Variants in GAK observed in about 807,000 individuals in gnomAD.
GAK encodes cyclin G associated kinase, also known as cyclin-G-associated kinase.
Under a neutral mutation model 143.9 loss-of-function variants are expected in GAK, and 79 were observed. That is an observed-to-expected ratio of 0.55 (90% CI 0.46 to 0.66). The LOEUF is 0.66. GAK is among the 30% of genes least tolerant of loss of function. The pLI is 0.00. For synonymous variants in GAK, 881 were observed against 765.5 expected (o/e 1.15, Z -2.49); for missense variants, 1,693 against 1,779.7 (o/e 0.95, Z 0.88).
chr4:900,501 C>G (rs1719667587), intron 5 of GAK, among the ~76,000 whole-genome samples: 1 of 152,132 alleles, frequency 6.6e-6, no homozygotes, highest in South Asian at 2.1e-4. Context: ...CCTTAAAATA[C>G]ACACTCAAGC....
intron 24 of GAK, among the ~76,000 whole-genome samples, chr4:856,161 C>G (rs1420161872): frequency 6.6e-6 from 1 of 151,658 alleles, no homozygotes; most frequent in African/African-American, 2.4e-5. Context: ...ACCACACCTG[C>G]TCACCACCAC....
chr4:852,218 C>A (rs1038008377), intron 24 of GAK: 23 of 582,638 alleles, frequency 3.9e-5, no homozygotes, highest in African/African-American at 3.6e-4. Flanking sequence ...CAGGACAGGG[C>A]AGCTGTGGAG....
intron 10 of GAK, 140 bp from the exon 11 acceptor site, chr4:889,110 C>T: frequency 9.0e-7 from 1 of 1,112,772 alleles, no homozygotes; most frequent in East Asian, 2.6e-5. Flanking sequence ...GTGCAGGTTG[C>T]TGGCTGGGCC....
chr4:918,095 C>A (rs946439688), intron 1 of GAK, among the ~76,000 whole-genome samples: 1 of 152,166 alleles, frequency 6.6e-6, no homozygotes, highest in African/African-American at 2.4e-5. Flanking sequence ...CAAGAAAATA[C>A]TGGCAAATTG....
rs1410260199 is a variant in GAK at position 849,449 on chromosome 4, T to C, written c.*224A>G. 10 of 565,544 alleles carry C rather than the reference T, an allele frequency of 1.8e-5. No homozygotes were observed. Among genetic ancestry groups the C allele is most frequent in the Non-Finnish European group, 3.2e-5 (10 of 314,280 alleles). The allele number at this position is 565,544 out of a possible 1,614,324, so 35.0% of individuals were successfully genotyped here. A position where few individuals can be genotyped will look rare whatever the true frequency, so the allele number is the denominator to read the frequency against. ...AGACGTGACAATTGCGGGAGGAGCA[T>C]GAATCAGCTGTTCCTTCGGGAGGAG... On this transcript the variant is annotated 3_prime_UTR_variant, in exon 28 of 28. Transcript: ENST00000314167.
chr4:862,952 G>A (rs1482619384), intron 23 of GAK, among the ~76,000 whole-genome samples: 2 of 152,192 alleles, frequency 1.3e-5, no homozygotes, highest in East Asian at 1.9e-4. Flanking sequence ...GAGTCGTGTC[G>A]ACTTCCAAGT....
intron 7 of GAK, among the ~76,000 whole-genome samples, chr4:896,205 G>A (rs1188040732): frequency 5.9e-5 from 9 of 152,186 alleles, no homozygotes; most frequent in African/African-American, 1.4e-4. Context: ...GGGAGGCTGC[G>A]GTGAGCCTGA....
intron 27 of GAK, 58 bp from the exon 28 acceptor site, chr4:849,832 G>A: frequency 8.0e-7 from 1 of 1,256,602 alleles, no homozygotes; most frequent in Non-Finnish European, 1.1e-6. Context: ...GGGCGGGGCA[G>A]GACCCCCCCC....
At position 882,793 on chromosome 4, in the gene GAK, C is replaced by T. The variant is rs1422832956; in HGVS notation, c.1431G>A (p.Arg477=). The change falls in exon 14 of 28, where the codon CGG becomes CGA. Residue 477 remains arginine (R), a synonymous_variant. Coordinates refer to ENST00000314167, the MANE Select transcript of GAK (RefSeq NM_005255.4). ...ACAGGGTGTGCAGGTGTGGGGCCCGCCGTGCTGCCCAGCCACACTCGGAGA... is the reference window on the plus strand; with the variant it reads ...ACAGGGTGTGCAGGTGTGGGGCCCGTCGTGCTGCCCAGCCACACTCGGAGA... ...NRVSECGWAA[R]RAPHLHTLYN... is the part of the protein sequence containing the mutation. 6.2e-7 allele frequency: 1 copy of T among 1,610,350 alleles called. No homozygotes were observed. The highest frequency in any genetic ancestry group is 1.7e-5 in the Admixed American group (1 of 60,028).
rs56020914 is a variant in GAK, at chr4:911,857, T to C, written c.268-70A>G. On this transcript the variant is annotated intron_variant, in intron 3 of 27. Coordinates refer to ENST00000314167, the MANE Select transcript of GAK (RefSeq NM_005255.4). ...AGTTCTGTGCACTTCAAAATAAATGTAGACAATATTAACACACTGAAGTCA... is the reference window on the plus strand; with the variant it reads ...AGTTCTGTGCACTTCAAAATAAATGCAGACAATATTAACACACTGAAGTCA... The C allele has an allele frequency of 2.3e-3, 2,602 of 1,153,782 alleles. 9 individuals are homozygous for C. Among genetic ancestry groups the C allele is most frequent in the Non-Finnish European group, 3.0e-3 (2,292 of 767,092 alleles). The allele number at this position is 1,153,782 out of a possible 1,614,324, so 71.5% of individuals were successfully genotyped here. A position where few individuals can be genotyped will look rare whatever the true frequency, so the allele number is the denominator to read the frequency against.
At chr4:895,633 C>T (rs1025304985) in intron 7 of GAK, among the ~76,000 whole-genome samples, 6 of 152,242 alleles carry the variant, frequency 3.9e-5, no homozygotes, top group African/African-American at 1.2e-4. Flanking sequence ...GGCCAACTGC[C>T]GCACCTGGTG....
chr4:897,435 G>A (rs1223719511), intron 6 of GAK, among the ~76,000 whole-genome samples: 1 of 152,200 alleles, frequency 6.6e-6, no homozygotes, highest in Non-Finnish European at 1.5e-5. Flanking sequence ...GAAGGCCCAA[G>A]TGCAGAGAGC....
intron 13 of GAK, 73 bp downstream of exon 13, chr4:883,242 C>A: frequency 6.5e-7 from 1 of 1,550,214 alleles, no homozygotes; most frequent in Non-Finnish European, 8.7e-7. Context: ...GGCCAAAGCC[C>A]TCAGCTATGC....
At chr4:891,913 G>T (rs1397310675) in intron 9 of GAK, among the ~76,000 whole-genome samples, 1 of 152,150 alleles carries the variant, frequency 6.6e-6, no homozygotes, top group Non-Finnish European at 1.5e-5. Context: ...CCGCCTCAGA[G>T]CGCCCCACAC....
chr4:891,442 T>C (rs79692917), intron 9 of GAK, among the ~76,000 whole-genome samples: 7,195 of 152,202 alleles, frequency 0.047, 207 homozygotes, highest in Middle Eastern at 0.1. Flanking sequence ...GGGGCCACCC[T>C]GTGAGGCTCA....
chr4:877,264 A>T, intron 16 of GAK, 57 bp from the exon 17 acceptor site: 1 of 1,111,078 alleles, frequency 9.0e-7, no homozygotes, highest in East Asian at 2.4e-5. Flanking sequence ...AACCAAACAA[A>T]AACAACAAAA....
At chr4:894,340 G>C (rs148956927) in intron 7 of GAK, 1 of 225,644 alleles carries the variant, frequency 4.4e-6, no homozygotes, top group Non-Finnish European at 8.7e-6. Context: ...CCAGGCCTGC[G>C]GGGAATGCAG....
intron 5 of GAK, among the ~76,000 whole-genome samples, chr4:903,275 C>T (rs570443121): frequency 4.2e-4 from 63 of 151,800 alleles, no homozygotes; most frequent in Admixed American, 2.3e-3. Context: ...ACGCCAACCC[C>T]GGGATGCCAC....
chr4:884,211 G>T, intron 11 of GAK, 125 bp from the exon 12 acceptor site: 1 of 757,302 alleles, frequency 1.3e-6, no homozygotes. Flanking sequence ...CCGCATCCCA[G>T]GAGGAACGTG....
Sources: allele counts gnomAD v4.1 joint callset (sites outside exome capture counted in the v4.1 genomes callset), GRCh38; gene constraint gnomAD v4.1.1; transcripts MANE v1.5; gene names NCBI Gene and HGNC (gene_info 2026-07-23, HGNC 2026-07-21).